LPCAT3: variants seen among roughly 807,000 people sequenced by gnomAD.
LPCAT3 encodes lysophospholipid acyltransferase 5.
In LPCAT3, 21 loss-of-function variants were observed where a neutral mutation model predicts 63.4. The observed-to-expected ratio is 0.33, with a 90% CI of 0.23 to 0.48. The LOEUF is 0.48. Ranked by LOEUF, LPCAT3 falls within the 20% of genes least tolerant of loss-of-function variation. LPCAT3 has a pLI of 0.99. For synonymous variants in LPCAT3, 242 were observed against 227.5 expected (o/e 1.06, Z -0.58); for missense variants, 451 against 590.6 (o/e 0.76, Z 2.45).
Position 6,981,852 on chromosome 12 carries a change from T to C in LPCAT3, c.419A>G (p.Lys140Arg). Reference sequence around the variant, plus strand: ...CAGAACACAATGTGGCATTGTCCACTTGATATCGTAGTTGCCGGTGGCAGT... The same window carrying C: ...CAGAACACAATGTGGCATTGTCCACCTGATATCGTAGTTGCCGGTGGCAGT... ...YYTATGNYDI[K>R]WTMPHCVLTL... Residue 140 changes from lysine to arginine, a missense_variant, in exon 4 of 13, where the codon AAG becomes AGG. Coordinates refer to ENST00000261407, the MANE Select transcript of LPCAT3 (RefSeq NM_005768.6). 1 of 1,614,110 alleles carries C rather than the reference T, an allele frequency of 6.2e-7. No homozygotes were observed. The highest frequency in any genetic ancestry group is 8.5e-7 in the Non-Finnish European group (1 of 1,179,944).
At chr12:7,004,028 G>A (rs990378723) in intron 1 of LPCAT3, among the ~76,000 whole-genome samples, 86 of 151,856 alleles carry the variant, frequency 5.7e-4, no homozygotes, top group African/African-American at 2.0e-3. Context: ...CTTACTTAGC[G>A]AATCAGTGCT....
Position 6,980,996 on chromosome 12 carries a change from G to A in LPCAT3, c.677+8C>T. 1.3e-6 allele frequency: 2 copies of A among 1,580,150 alleles called. No individual in the cohort carries two copies. Among genetic ancestry groups the A allele is most frequent in the Non-Finnish European group, 1.7e-6 (2 of 1,164,532 alleles). ...TACACAAACATCTGGACCAAGAGGG[G>A]CAATTACCTGTTTGGTATCTTTCCT... On this transcript the variant is annotated splice_region_variant and intron_variant, in intron 6 of 12. Coordinates refer to ENST00000261407, the MANE Select transcript of LPCAT3 (RefSeq NM_005768.6).
chr12:7,001,559 G>T, intron 1 of LPCAT3: 1 of 455,404 alleles, frequency 2.2e-6, no homozygotes, highest in South Asian at 1.5e-5. Flanking sequence ...CGGTGTTGGT[G>T]TTGGTAGGAT....
intron 6 of LPCAT3, 57 bp downstream of exon 6, chr12:6,980,947 T>A (rs1946464871): frequency 6.8e-7 from 1 of 1,471,458 alleles, no homozygotes. Flanking sequence ...TTCAGAAGAG[T>A]CACTTCAGAG....
At position 6,983,546 on chromosome 12, in the gene LPCAT3, G is replaced by C; in HGVS notation, c.152-7C>G. The C allele has an allele frequency of 9.7e-6, 15 of 1,552,414 alleles. No homozygotes were observed. Among genetic ancestry groups the C allele is most frequent in the Non-Finnish European group, 1.3e-5 (15 of 1,125,154 alleles). On this transcript the variant is annotated splice_region_variant and splice_polypyrimidine_tract_variant and intron_variant, in intron 1 of 12. Transcript: ENST00000261407. ...AACAAAGCAAAGGGGTAACCTAGAT[G>C]GGGGAAAAGATAAGAAGAGTGTTAT...
intron 6 of LPCAT3, chr12:6,979,859 A>G (rs1946451830): frequency 2.6e-6 from 1 of 380,762 alleles, no homozygotes; most frequent in Non-Finnish European, 4.8e-6. Context: ...ACTGATCTCA[A>G]GGTCTTGCCA....
intron 1 of LPCAT3, among the ~76,000 whole-genome samples, chr12:6,994,361 C>T (rs979516160): frequency 1.3e-5 from 2 of 151,948 alleles, no homozygotes; most frequent in Non-Finnish European, 2.9e-5. Context: ...GTGTGCACCA[C>T]CATGCCCAGC....
chr12:6,980,112 G>A (rs1555153886), intron 6 of LPCAT3: 1 of 150,182 alleles, frequency 6.7e-6, no homozygotes, highest in Admixed American at 6.7e-5. Flanking sequence ...CAGAGGCATA[G>A]TCATTGCTCG....
intron 3 of LPCAT3, 86 bp downstream of exon 3, chr12:6,982,590 A>C (rs891841031): frequency 9.9e-7 from 1 of 1,005,090 alleles, no homozygotes; most frequent in Admixed American, 2.0e-5. Flanking sequence ...TAGGTCTGCT[A>C]ATTTCTATAC....
chr12:7,001,927 A>C (rs1440744926), intron 1 of LPCAT3, among the ~76,000 whole-genome samples: 1 of 152,164 alleles, frequency 6.6e-6, no homozygotes, highest in Non-Finnish European at 1.5e-5. Context: ...AGGGAAAGGA[A>C]GGGAGTGAGA....
chr12:6,983,652 C>A (rs1253775251), intron 1 of LPCAT3, 113 bp from the exon 2 acceptor site: 4 of 679,226 alleles, frequency 5.9e-6, no homozygotes, highest in African/African-American at 3.7e-5. Flanking sequence ...AAAAAAAAAA[C>A]AACATACATT....
At chr12:7,004,234 T>C (rs1313708359) in intron 1 of LPCAT3, among the ~76,000 whole-genome samples, 2 of 152,200 alleles carry the variant, frequency 1.3e-5, no homozygotes, top group Admixed American at 6.5e-5. Context: ...TTTAACACTT[T>C]AGGACTGTTA....
intron 1 of LPCAT3, among the ~76,000 whole-genome samples, chr12:7,004,442 GCA>G (rs1248737234): frequency 2.6e-5 from 4 of 152,206 alleles, no homozygotes; most frequent in Admixed American, 2.6e-4. Context: ...GGAAGCTGAA[GCA>G]CAGACAGGGT....
intron 2 of LPCAT3, 200 bp from the exon 3 acceptor site, chr12:6,982,982 T>G: frequency 1.5e-6 from 1 of 654,320 alleles, no homozygotes; most frequent in Non-Finnish European, 2.8e-6. Context: ...TTTCTTTTCT[T>G]TTTTTGTTTG....
intron 1 of LPCAT3, among the ~76,000 whole-genome samples, chr12:6,993,285 T>C (rs782350394): frequency 6.6e-6 from 1 of 151,848 alleles, no homozygotes; most frequent in South Asian, 2.1e-4. Context: ...TAACAAAAAA[T>C]TAGCTGGGCG....
intron 1 of LPCAT3, among the ~76,000 whole-genome samples, chr12:6,993,951 AAAC>A (rs1555155793): frequency 6.6e-6 from 1 of 152,140 alleles, no homozygotes; most frequent in East Asian, 1.9e-4. Context: ...ATCAGCTGAC[AAAC>A]AACTGGGTTG....
chr12:6,982,568 G>A, intron 3 of LPCAT3, 108 bp downstream of exon 3: 1 of 764,696 alleles, frequency 1.3e-6, no homozygotes, highest in Admixed American at 2.2e-5. Context: ...TGCTGGGAGA[G>A]GGGTTAGAAA....
At chr12:7,016,069 AAC>A (rs1248682035) in intron 1 of LPCAT3, among the ~76,000 whole-genome samples, 2 of 152,140 alleles carry the variant, frequency 1.3e-5, no homozygotes, top group Admixed American at 6.5e-5. Context: ...TTGAGAAACC[AAC>A]AGTTTCCTAA....
At chr12:7,006,755 G>A (rs1014491805) in intron 1 of LPCAT3, among the ~76,000 whole-genome samples, 12 of 152,144 alleles carry the variant, frequency 7.9e-5, no homozygotes, top group Non-Finnish European at 1.8e-4. Flanking sequence ...GGGATATGCT[G>A]TAGGAACTTT....
Sources: gnomAD v4.1 joint callset for allele counts (sites outside exome capture counted in the v4.1 genomes callset) on GRCh38, gnomAD v4.1.1 for gene constraint, MANE v1.5 for transcripts, NCBI Gene and HGNC (gene_info 2026-07-23, HGNC 2026-07-21) for gene names.